Variants in BMPR1B observed in about 807,000 individuals in gnomAD.
BMPR1B encodes bone morphogenetic protein receptor type-1B.
A neutral mutation model predicts 59.1 loss-of-function variants in BMPR1B; 12 were observed. That is an observed-to-expected ratio of 0.20 (90% confidence interval 0.13 to 0.33). The LOEUF (loss-of-function observed/expected upper bound fraction) is 0.33, where lower values mean the gene tolerates loss of function less well. BMPR1B is among the 10% of genes least tolerant of loss of function. The pLI is 1.00. For missense variants in BMPR1B, 550 were observed against 610.9 expected (o/e 0.90, Z 1.05); for synonymous variants, 237 against 207.3 (o/e 1.14, Z -1.23).
chr4:95,117,439 A>G (rs1732152426), intron 6 of BMPR1B, among the ~76,000 whole-genome samples: 1 of 152,144 alleles, frequency 6.6e-6, no homozygotes, highest in Non-Finnish European at 1.5e-5. Flanking sequence ...CCATTTGCTA[A>G]CTACAGGAGT....
At chr4:94,759,107 T>C (rs1184033630) in intron 1 of BMPR1B, among the ~76,000 whole-genome samples, 2 of 152,190 alleles carry the variant, frequency 1.3e-5, no homozygotes, top group African/African-American at 4.8e-5. Flanking sequence ...CTTACTTCTT[T>C]AGAGCTGCAC....
Position 94,795,128 on chromosome 4 carries a change from C to A in BMPR1B, c.-183+37060C>A, listed in dbSNP as rs373242800. 9.7e-5 allele frequency among the ~76,000 whole-genome samples: 14 copies of A among 144,592 alleles called. No individual in the cohort carries two copies. In the South Asian group the frequency reaches 2.1e-3, roughly 22 times the overall value. The allele number at this position is 144,592 out of a possible 152,430, so 94.9% of individuals were successfully genotyped here. A position where few individuals can be genotyped will look rare whatever the true frequency, so the allele number is the denominator to read the frequency against. On this transcript the variant is annotated intron_variant, in intron 1 of 12. Transcript: ENST00000515059. ...TCAAAGGGAATGCTTCCAGTTTTTGCCCATTGAGTATGATATTGGCTGTGG... is the reference window on the plus strand; with the variant it reads ...TCAAAGGGAATGCTTCCAGTTTTTGACCATTGAGTATGATATTGGCTGTGG...
chr4:95,126,870 T>C (rs921382982), intron 8 of BMPR1B, among the ~76,000 whole-genome samples: 5 of 152,216 alleles, frequency 3.3e-5, no homozygotes, highest in Admixed American at 2.0e-4. Context: ...TTATTAATTT[T>C]AATAACATAA....
intron 3 of BMPR1B, among the ~76,000 whole-genome samples, chr4:95,034,800 C>T (rs1406223383): frequency 2.6e-5 from 4 of 151,792 alleles, no homozygotes; most frequent in African/African-American, 4.8e-5. Context: ...TACACAGGAG[C>T]GGTATTGCTG....
At chr4:94,762,910 G>T (rs1178126317) in intron 1 of BMPR1B, among the ~76,000 whole-genome samples, 2 of 150,214 alleles carry the variant, frequency 1.3e-5, no homozygotes, top group Non-Finnish European at 3.0e-5. Flanking sequence ...GATCTACATT[G>T]CAGCAATTCA....
At chr4:95,126,440 T>A (rs1327600217) in intron 8 of BMPR1B, among the ~76,000 whole-genome samples, 1 of 152,224 alleles carries the variant, frequency 6.6e-6, no homozygotes, top group Non-Finnish European at 1.5e-5. Context: ...TGGGTTCCAA[T>A]CCTGGCCAGA....
At chr4:94,839,447 T>C (rs1261548524) in intron 1 of BMPR1B, among the ~76,000 whole-genome samples, 1 of 147,652 alleles carries the variant, frequency 6.8e-6, no homozygotes, top group Non-Finnish European at 1.5e-5. Flanking sequence ...GGTGCTCCTG[T>C]ATTGGGTGCA....
At chr4:94,964,076 T>C (rs1202311673) in intron 2 of BMPR1B, among the ~76,000 whole-genome samples, 1 of 152,148 alleles carries the variant, frequency 6.6e-6, no homozygotes, top group African/African-American at 2.4e-5. Context: ...CTTGGTATTT[T>C]ATCTGTAGCT....
rs538557973 is a variant in BMPR1B, at chr4:95,010,362, G to A, written c.-18+14228G>A. On this transcript the variant is annotated intron_variant, in intron 3 of 12. Transcript: ENST00000515059. ...GCTGGAATAGGTCCTTGCTCACCCC[G>A]AAGTGACACCCTTCTGGTTTAGTGA... is the stretch of plus-strand genomic sequence containing the variant. 3.3e-5 allele frequency among the ~76,000 whole-genome samples: 5 copies of A among 152,178 alleles called. No homozygotes were observed. In the East Asian group the frequency reaches 7.7e-4, roughly 24 times the overall value.
intron 1 of BMPR1B, among the ~76,000 whole-genome samples, chr4:94,862,824 A>G (rs188947947): frequency 0.022 from 3,348 of 151,936 alleles, 113 homozygotes; most frequent in African/African-American, 0.077. Flanking sequence ...GGGCACCTGT[A>G]GTCCCAGCTA....
chr4:95,096,799 A>T (rs1261266207), intron 3 of BMPR1B, among the ~76,000 whole-genome samples: 9 of 140,472 alleles, frequency 6.4e-5, no homozygotes, highest in East Asian at 4.1e-4. Context: ...ATATCTATAT[A>T]TAGAATATAT....
chr4:95,032,608 G>A (rs1724952278), intron 3 of BMPR1B, among the ~76,000 whole-genome samples: 1 of 152,112 alleles, frequency 6.6e-6, no homozygotes. Context: ...CATTTAAGTA[G>A]AAGCATACAA....
At chr4:94,781,194 G>A (rs1398332914) in intron 1 of BMPR1B, among the ~76,000 whole-genome samples, 3 of 152,074 alleles carry the variant, frequency 2.0e-5, no homozygotes, top group Non-Finnish European at 4.4e-5. Flanking sequence ...TTGTTATGGA[G>A]TTGTAAGTGT....
rs1192608384 is a variant in BMPR1B at position 94,757,987 on chromosome 4, G to GGAGTCGGCGGGGCCTCGCGGGACGCC, written c.-262_-237dup. 3.4e-5 allele frequency: 5 copies of GGAGTCGGCGGGGCCTCGCGGGACGCC among 146,882 alleles called. No individual in the cohort carries two copies. The highest frequency in any genetic ancestry group is 1.4e-4 in the Admixed American group (2 of 14,744). 9.1% of individuals were successfully genotyped at this position (146,882 alleles called of 1,614,324 possible). A position where few individuals can be genotyped will look rare whatever the true frequency, so the allele number is the denominator to read the frequency against. ...GACGGCGCAGCCGGGCGCGGGGCGC[G>GGAGTCGGCGGGGCCTCGCGGGACGCC]GAGTCGGCGGGGCCTCGCGGGACGC... On this transcript the variant is annotated 5_prime_UTR_variant, in exon 1 of 13. Transcript: ENST00000515059.
intron 3 of BMPR1B, chr4:95,103,343 A>G: frequency 1.6e-6 from 1 of 625,086 alleles, no homozygotes; most frequent in Non-Finnish European, 2.0e-6. Context: ...CTGACCTAAA[A>G]TTTCAATTTT....
At chr4:95,036,210 C>A (rs1407783323) in intron 3 of BMPR1B, among the ~76,000 whole-genome samples, 1 of 152,056 alleles carries the variant, frequency 6.6e-6, no homozygotes, top group Admixed American at 6.6e-5. Flanking sequence ...TCCATCACCT[C>A]AAGCATTTAT....
chr4:95,041,538 T>C (rs1725652291), intron 3 of BMPR1B, among the ~76,000 whole-genome samples: 1 of 152,050 alleles, frequency 6.6e-6, no homozygotes, highest in South Asian at 2.1e-4. Context: ...CCTCAGACTT[T>C]CTGGTAGTCA....
At chr4:94,807,712 T>C (rs1723659621) in intron 1 of BMPR1B, among the ~76,000 whole-genome samples, 1 of 152,166 alleles carries the variant, frequency 6.6e-6, no homozygotes, top group Non-Finnish European at 1.5e-5. Flanking sequence ...TGAGACAGAG[T>C]CTCATTCTGT....
rs1374244707 is a variant in BMPR1B, at chr4:94,937,605, ATC to A, written c.-112-58433_-112-58432del. On this transcript the variant is annotated intron_variant, in intron 2 of 12. Coordinates refer to ENST00000515059, the MANE Select transcript of BMPR1B (RefSeq NM_001203.3). ...TTATTCTGTTTAGGGTTGAGATTTT[ATC>A]TGACGGGCAAGACTTAAATACATGA... Among the ~76,000 whole-genome samples the A allele has an allele frequency of 1.3e-5, 2 of 152,194 alleles. 1 individual carries two copies. Among genetic ancestry groups the A allele is most frequent in the Admixed American group, 1.3e-4 (2 of 15,278 alleles).
Sources: allele counts gnomAD v4.1 joint callset (sites outside exome capture counted in the v4.1 genomes callset), GRCh38; gene constraint gnomAD v4.1.1; transcripts MANE v1.5; gene names NCBI Gene and HGNC (gene_info 2026-07-23, HGNC 2026-07-21).